Variants in GRM3 observed in about 807,000 individuals in gnomAD.
GRM3 encodes metabotropic glutamate receptor 3.
A neutral mutation model predicts 70.5 loss-of-function variants in GRM3; 26 were observed. The observed-to-expected ratio is 0.37, with a 90% CI of 0.27 to 0.51. The LOEUF (loss-of-function observed/expected upper bound fraction) is 0.51, where lower values mean the gene tolerates loss of function less well. Ranked by LOEUF, GRM3 falls within the 20% of genes least tolerant of loss-of-function variation. The pLI is 0.93. For synonymous variants in GRM3, 443 were observed against 434.9 expected, an observed-to-expected ratio of 1.02 and a Z score of -0.23; for missense variants, 859 against 1,123.8, an observed-to-expected ratio of 0.76 and a Z score of 3.37.
intron 1 of GRM3, among the ~76,000 whole-genome samples, chr7:86,744,539 C>T (rs1294120719): frequency 2.0e-5 from 3 of 151,578 alleles, no homozygotes; most frequent in South Asian, 2.1e-4. Context: ...AAAGATTCCC[C>T]AACAGGCCAC....
At chr7:86,811,456 G>A (rs1465529242) in intron 3 of GRM3, among the ~76,000 whole-genome samples, 8 of 151,880 alleles carry the variant, frequency 5.3e-5, no homozygotes, top group Middle Eastern at 3.4e-3. Flanking sequence ...CCACTCACCA[G>A]GAAGTATCAT....
In GRM3 at chr7:86,805,538, A is replaced by G. The variant is rs538937319; in HGVS notation, c.1324+18422A>G. On this transcript the variant is annotated intron_variant, in intron 3 of 5. Transcript: ENST00000361669. The stretch of plus-strand genomic sequence containing the variant: ...AATAACATCCATTCAGCATTATAGT[A>G]CCAGAGAATAGTTTCACTGCCCTAA... Among the ~76,000 whole-genome samples, 18 of 152,282 alleles carry G rather than the reference A, an allele frequency of 1.2e-4. 1 individual carries two copies. The Middle Eastern group carries it at 0.01, about 86-fold the overall frequency.
chr7:86,795,253 T>TTTTATTTTATTTTA (rs1797520572), intron 3 of GRM3, among the ~76,000 whole-genome samples: 3 of 123,972 alleles, frequency 2.4e-5, no homozygotes, highest in Non-Finnish European at 5.1e-5. Context: ...TCTAGGTTAG[T>TTTTATTTTATTTTA]TTTTATTTTA....
intron 1 of GRM3, chr7:86,710,281 C>G (rs764619724): frequency 8.6e-5 from 13 of 151,698 alleles, no homozygotes; most frequent in Non-Finnish European, 1.9e-4. Context: ...TTTAAAATGC[C>G]TATTTTTTTT....
chr7:86,665,565 G>A (rs1420666061), intron 1 of GRM3, among the ~76,000 whole-genome samples: 1 of 151,860 alleles, frequency 6.6e-6, no homozygotes, highest in Non-Finnish European at 1.5e-5. Context: ...CCGTCTGCAT[G>A]TTAATTAAAA....
At chr7:86,796,611 T>C (rs996199582) in intron 3 of GRM3, among the ~76,000 whole-genome samples, 5 of 152,214 alleles carry the variant, frequency 3.3e-5, no homozygotes, top group African/African-American at 9.6e-5. Context: ...TCGATGGTAA[T>C]TTAGTGGGAA....
chr7:86,744,720 C>A (rs773595371), intron 1 of GRM3, among the ~76,000 whole-genome samples: 4 of 152,002 alleles, frequency 2.6e-5, no homozygotes, highest in Non-Finnish European at 5.9e-5. Context: ...GAATAAGGAG[C>A]TGAATATACA....
intron 1 of GRM3, among the ~76,000 whole-genome samples, chr7:86,698,976 G>A (rs867596802): frequency 1.4e-4 from 21 of 151,992 alleles, no homozygotes; most frequent in Middle Eastern, 3.2e-3. Context: ...TACTCCAGAG[G>A]CTATACTCCA....
rs1167480153 is a variant in GRM3 at position 86,786,704 on chromosome 7, C to G, written c.912C>G (p.Gly304=). Residue 304 remains glycine, a synonymous_variant, in exon 3 of 6, where the codon GGC becomes GGG. Transcript: ENST00000361669. This position sits in a 1 kb window ranked among gnomAD's most constrained non-coding sequence, Gnocchi z 6.0. ...CCTGGGTGGCCAGCGACGGCTGGGGCGCGCAGGAGAGCATCATCAAGGGCA... is the reference window on the plus strand; with the variant it reads ...CCTGGGTGGCCAGCGACGGCTGGGGGGCGCAGGAGAGCATCATCAAGGGCA... ...SFTWVASDGW[G]AQESIIKGSE... The G allele has an allele frequency of 6.2e-7, 1 of 1,612,488 alleles. No homozygotes were observed. Among genetic ancestry groups the G allele is most frequent in the Non-Finnish European group, 8.5e-7 (1 of 1,179,990 alleles).
At chr7:86,758,133 T>C (rs2116386836) in intron 1 of GRM3, among the ~76,000 whole-genome samples, 1 of 152,264 alleles carries the variant, frequency 6.6e-6, no homozygotes, top group Admixed American at 6.5e-5. Context: ...TAATTATTTC[T>C]TACCAGGAAA....
rs199508883 is a variant in GRM3 at position 86,786,583 on chromosome 7, T to C, written c.791T>C (p.Leu264Ser). 8.7e-6 allele frequency: 14 copies of C among 1,613,904 alleles called. No individual in the cohort carries two copies. In the East Asian group the frequency reaches 3.1e-4, roughly 36 times the overall value. The change falls in exon 3 of 6, where the codon TTG (leucine) becomes TCG (serine). Residue 264 changes from leucine to serine, a missense_variant. Transcript: ENST00000361669. The surrounding 1 kb of genome is among the most constrained non-coding windows in gnomAD (Gnocchi z 6.0). ...KSYDSVIREL[L>S]QKPNARVVVL... ...TACGACAGCGTGATCCGAGAACTGTTGCAGAAGCCCAACGCGCGCGTCGTG... is the reference window on the plus strand; with the variant it reads ...TACGACAGCGTGATCCGAGAACTGTCGCAGAAGCCCAACGCGCGCGTCGTG...
chr7:86,778,133 A>C (rs184881444), intron 2 of GRM3, among the ~76,000 whole-genome samples: 6 of 152,306 alleles, frequency 3.9e-5, no homozygotes, highest in Non-Finnish European at 7.4e-5. Context: ...AATAAACATG[A>C]AGGTTATTAT....
intron 3 of GRM3, among the ~76,000 whole-genome samples, chr7:86,801,699 C>T (rs1797687207): frequency 6.6e-6 from 1 of 152,172 alleles, no homozygotes; most frequent in Admixed American, 6.5e-5. Flanking sequence ...CAGTTCATCA[C>T]TGGCCTCTTA....
chr7:86,679,156 A>G (rs897140180), intron 1 of GRM3, among the ~76,000 whole-genome samples: 1 of 152,050 alleles, frequency 6.6e-6, no homozygotes, highest in African/African-American at 2.4e-5. Context: ...TTGTCTGACC[A>G]TCTTATTAGT....
chr7:86,660,496 G>T (rs1793864876), intron 1 of GRM3, among the ~76,000 whole-genome samples: 1 of 151,976 alleles, frequency 6.6e-6, no homozygotes, highest in African/African-American at 2.4e-5. Flanking sequence ...AAAACAGAAT[G>T]CTTGATAATC....
intron 1 of GRM3, among the ~76,000 whole-genome samples, chr7:86,670,717 T>C (rs1794149691): frequency 6.6e-6 from 1 of 152,218 alleles, no homozygotes; most frequent in African/African-American, 2.4e-5. Flanking sequence ...ACTCTAATTT[T>C]GTTTTTCCCC....
At chr7:86,813,420 G>A (rs1797952577) in intron 3 of GRM3, among the ~76,000 whole-genome samples, 1 of 151,776 alleles carries the variant, frequency 6.6e-6, no homozygotes, top group African/African-American at 2.4e-5. Flanking sequence ...AAATGTCCTT[G>A]GAATGAAGCC....
intron 1 of GRM3, among the ~76,000 whole-genome samples, chr7:86,749,053 G>GT (rs1796170144): frequency 6.6e-6 from 1 of 152,044 alleles, no homozygotes; most frequent in Non-Finnish European, 1.5e-5. Flanking sequence ...AATATTGAAA[G>GT]AAACTTTTGT....
chr7:86,786,362 C>A lies in GRM3; in HGVS notation c.570C>A (p.Thr190=), dbSNP rs754123274. 2 of 1,614,044 alleles carry A rather than the reference C, an allele frequency of 1.2e-6. No homozygotes were observed. The highest frequency in any genetic ancestry group is 3.3e-5 in the Admixed American group (2 of 60,004). ...DKSRYDYFAR[T]VPPDFYQAKA... ...CGCGCTATGATTACTTTGCCAGGAC[C>A]GTGCCCCCCGACTTCTACCAGGCCA... Residue 190 remains threonine, a synonymous_variant, in exon 3 of 6, where the codon ACC becomes ACA. Coordinates refer to ENST00000361669, the MANE Select transcript of GRM3 (RefSeq NM_000840.3). The surrounding 1 kb of genome is among the most constrained non-coding windows in gnomAD (Gnocchi z 6.0).
Sources: gnomAD v4.1 joint callset for allele counts (sites outside exome capture counted in the v4.1 genomes callset) on GRCh38, gnomAD v4.1.1 for gene constraint, Gnocchi (gnomAD v3.1) non-coding constraint, MANE v1.5 for transcripts, NCBI Gene and HGNC (gene_info 2026-07-23, HGNC 2026-07-21) for gene names.